DHX9: variants seen among roughly 807,000 people sequenced by gnomAD.
DHX9 encodes ATP-dependent RNA helicase A.
A neutral mutation model predicts 148.7 loss-of-function variants in DHX9; 27 were observed. The ratio of observed to expected loss-of-function variants is 0.18; its 90% CI spans 0.13 to 0.25. The LOEUF (loss-of-function observed/expected upper bound fraction) is 0.25, where lower values mean the gene tolerates loss of function less well. Ranked by LOEUF, DHX9 falls within the 10% of genes least tolerant of loss-of-function variation. DHX9 has a pLI of 1.00. For missense variants in DHX9, 796 were observed against 1,559.6 expected, an observed-to-expected ratio of 0.51 and a Z score of 8.25; for synonymous variants, 529 against 516.6, an observed-to-expected ratio of 1.02 and a Z score of -0.33.
intron 14 of DHX9, among the ~76,000 whole-genome samples, chr1:182,870,770 C>A (rs1464005503): frequency 1.3e-5 from 2 of 151,984 alleles, no homozygotes; most frequent in African/African-American, 2.4e-5. Flanking sequence ...ATATGTAAGC[C>A]ACATAGATAA....
chr1:182,850,654 T>C (rs761928398), intron 3 of DHX9, among the ~76,000 whole-genome samples: 4 of 151,964 alleles, frequency 2.6e-5, no homozygotes, highest in Non-Finnish European at 5.9e-5. Context: ...AAGAAATAAA[T>C]GGACTATAGC....
intron 8 of DHX9, 123 bp from the exon 9 acceptor site, chr1:182,858,428 C>A: frequency 9.2e-7 from 1 of 1,092,598 alleles, no homozygotes; most frequent in Non-Finnish European, 1.3e-6. Flanking sequence ...TGAAGTAATT[C>A]TCTCACAAAA....
rs1409764364 is a variant in DHX9, at chr1:182,858,840, A to G, written c.1008A>G (p.Gln336=). Residue 336 remains glutamine (Q), a synonymous_variant, in exon 10 of 28, where the codon CAA becomes CAG. Transcript: ENST00000367549. ...GTGTGGTTCCTTGGTCACCTCCACA[A>G]TCCAACTGGAATCCTTGGACTAGTA... ...QVGVVPWSPP[Q]SNWNPWTSSN... The G allele has an allele frequency of 5.6e-6, 9 of 1,614,202 alleles. No homozygotes were observed. The East Asian group carries it at 8.9e-5, about 16-fold the overall frequency.
In DHX9 at chr1:182,866,461, G is replaced by A. The variant is rs537804637; in HGVS notation, c.1350G>A (p.Ala450=). Residue 450 remains alanine, a synonymous_variant, in exon 13 of 28, where the codon GCG becomes GCA. Transcript: ENST00000367549. ...IVVTQPRRIS[A]VSVAERVAFE... ...TGTCTCAGCCCAGAAGAATCAGTGCGGTTTCTGTGGCAGAGCGAGTTGCAT... is the reference window on the plus strand; with the variant it reads ...TGTCTCAGCCCAGAAGAATCAGTGCAGTTTCTGTGGCAGAGCGAGTTGCAT... 6.4e-5 allele frequency: 104 copies of A among 1,614,050 alleles called. No homozygotes were observed. Among genetic ancestry groups the A allele is most frequent in the Admixed American group, 8.3e-5 (5 of 60,004 alleles).
chr1:182,881,966 AC>A (rs750951112), intron 24 of DHX9, among the ~76,000 whole-genome samples: 3 of 152,224 alleles, frequency 2.0e-5, no homozygotes, highest in Middle Eastern at 3.2e-3. Context: ...ATAGAAAAAA[AC>A]CAACCCATGT....
chr1:182,868,520 C>CTTTTT (rs59218081), intron 14 of DHX9, among the ~76,000 whole-genome samples: 3,912 of 127,398 alleles, frequency 0.031, 138 homozygotes, highest in Admixed American at 0.046. Context: ...ATTTTAATTC[C>CTTTTT]TTTTTTTTTT....
intron 13 of DHX9, 143 bp downstream of exon 13, chr1:182,866,728 T>G (rs1425918821): frequency 1.3e-5 from 14 of 1,112,310 alleles, no homozygotes; most frequent in Non-Finnish European, 1.8e-5. Context: ...AGTTTTTTCC[T>G]TCATGGAAAG....
chr1:182,881,300 C>G lies in DHX9; in HGVS notation c.2661C>G (p.Thr887=). The stretch of plus-strand genomic sequence containing the variant: ...CTATCTGTACCATTGCTGCTGCTAC[C>G]TGCTTTCCAGAGCCTTTCATCAATG... The part of the protein sequence containing the change: ...GDAICTIAAA[T]CFPEPFINEG... Residue 887 remains threonine (T), a synonymous_variant, in exon 23 of 28, where the codon ACC becomes ACG. Coordinates refer to ENST00000367549, the MANE Select transcript of DHX9 (RefSeq NM_001357.5). The G allele has an allele frequency of 6.2e-7, 1 of 1,614,114 alleles. No homozygotes were observed. The highest frequency in any genetic ancestry group is 8.5e-7 in the Non-Finnish European group (1 of 1,180,008).
Position 182,881,528 on chromosome 1 carries a change from GAGA to G in DHX9, c.2801_2803del (p.Glu934del). 1 of 1,611,910 alleles carries G rather than the reference GAGA, an allele frequency of 6.2e-7. No homozygotes were observed. Among genetic ancestry groups the G allele is most frequent in the Non-Finnish European group, 8.5e-7 (1 of 1,179,380 alleles). On this transcript the variant is annotated inframe_deletion, in exon 24 of 28. Coordinates refer to ENST00000367549, the MANE Select transcript of DHX9 (RefSeq NM_001357.5). ...ATGCCAATTTATTTTAGAATGGGTGGAGAAGAAGCAGAGATACGTTTTTGTGAG... is the reference window on the plus strand; with the variant it reads ...ATGCCAATTTATTTTAGAATGGGTGGAGAAGCAGAGATACGTTTTTGTGAG...
chr1:182,877,960 A>G, intron 19 of DHX9, 61 bp from the exon 20 acceptor site: 5 of 1,577,274 alleles, frequency 3.2e-6, no homozygotes, highest in Non-Finnish European at 4.3e-6. Flanking sequence ...TACTTAGTGG[A>G]TATATAATAG....
Position 182,863,540 on chromosome 1 carries a change from T to G in DHX9, c.1333-2904T>G, listed in dbSNP as rs142124906. ...CGTGCAGGTATAGATAGAACTTGTT[T>G]TACCTATGAGCCTTGCCTTGTATTT... On this transcript the variant is annotated intron_variant, in intron 12 of 27. Transcript: ENST00000367549. Among the ~76,000 whole-genome samples the G allele has an allele frequency of 1.3e-3, 197 of 152,310 alleles. 1 individual carries two copies. Among genetic ancestry groups the G allele is most frequent in the African/African-American group, 4.6e-3 (191 of 41,568 alleles).
chr1:182,852,468 A>G (rs558769838), intron 4 of DHX9, 124 bp downstream of exon 4: 132 of 594,214 alleles, frequency 2.2e-4, no homozygotes, highest in Non-Finnish European at 3.3e-4. Flanking sequence ...AGACAACCCA[A>G]GGCCTTCATA....
intron 19 of DHX9, 24 bp from the exon 20 acceptor site, chr1:182,877,997 A>T: frequency 6.2e-7 from 1 of 1,613,596 alleles, no homozygotes; most frequent in East Asian, 2.2e-5. Context: ...TGAGTCTTAG[A>T]ATTAACCACT....
rs769872368 is a variant in DHX9 at position 182,887,056 on chromosome 1, A to G, written c.3462-27A>G. ...TGGGAAATAATAAGAATGCTTTGCT[A>G]AAGTGATGGTTTTGTGCTTTTCCTA... is the stretch of plus-strand genomic sequence containing the variant. On this transcript the variant is annotated intron_variant, in intron 27 of 27. Coordinates refer to ENST00000367549, the MANE Select transcript of DHX9 (RefSeq NM_001357.5). 2.5e-6 allele frequency: 4 copies of G among 1,593,816 alleles called. No homozygotes were observed. The Admixed American group carries it at 6.7e-5, about 27-fold the overall frequency.
chr1:182,884,585 T>C lies in DHX9; in HGVS notation c.3261-28T>C, dbSNP rs768503580. 4 of 1,603,722 alleles carry C rather than the reference T, an allele frequency of 2.5e-6. No individual in the cohort carries two copies. The Admixed American group carries it at 6.7e-5, about 27-fold the overall frequency. On this transcript the variant is annotated intron_variant, in intron 26 of 27. Coordinates refer to ENST00000367549, the MANE Select transcript of DHX9 (RefSeq NM_001357.5). ...TCTTTTTCTACATATACTCCCTCTC[T>C]TATTTTTAATGTATTTCGCCACTTT...
At chr1:182,855,648 G>GA (rs1668238735) in intron 6 of DHX9, 1 of 985,386 alleles carries the variant, frequency 1.0e-6, no homozygotes, top group Admixed American at 6.1e-5. Flanking sequence ...TGTCATTAAT[G>GA]AAAGGGTGGA....
rs2102625960 is a variant in DHX9 at position 182,887,859 on chromosome 1, T to C, written c.*425T>C. Reference sequence around the variant, plus strand: ...GAAGTTGTACCCTGTTTCAAAAGTATACTAAGTGATACTACTTGTAATAGA... The same window carrying C: ...GAAGTTGTACCCTGTTTCAAAAGTACACTAAGTGATACTACTTGTAATAGA... On this transcript the variant is annotated 3_prime_UTR_variant, in exon 28 of 28. Coordinates refer to ENST00000367549, the MANE Select transcript of DHX9 (RefSeq NM_001357.5). The C allele has an allele frequency of 5.7e-6, 1 of 175,870 alleles. No homozygotes were observed. Among genetic ancestry groups the C allele is most frequent in the Non-Finnish European group, 1.2e-5 (1 of 80,198 alleles). The allele number at this position is 175,870 out of a possible 1,614,324, so 10.9% of individuals were successfully genotyped here.
At chr1:182,848,414 A>G (rs1668070883) in intron 3 of DHX9, among the ~76,000 whole-genome samples, 1 of 152,250 alleles carries the variant, frequency 6.6e-6, no homozygotes, top group Admixed American at 6.5e-5. Context: ...TAACCAGCCT[A>G]AAATGTCACC....
rs537823552 is a variant in DHX9 at position 182,841,784 on chromosome 1, G to A, written c.-22-761G>A. On this transcript the variant is annotated intron_variant, in intron 1 of 27. Coordinates refer to ENST00000367549, the MANE Select transcript of DHX9 (RefSeq NM_001357.5). ...ACAGTTTAGACTCAGCATTTAGACT[G>A]ATAGGCTCCATATCTTGTGGTATTT... Among the ~76,000 whole-genome samples the A allele has an allele frequency of 2.6e-5, 4 of 152,298 alleles. No homozygotes were observed. In the South Asian group the frequency reaches 8.3e-4, roughly 32 times the overall value.
Sources: gnomAD v4.1 joint callset for allele counts (sites outside exome capture counted in the v4.1 genomes callset) on GRCh38, gnomAD v4.1.1 for gene constraint, MANE v1.5 for transcripts, NCBI Gene and HGNC (gene_info 2026-07-23, HGNC 2026-07-21) for gene names.